CDH10: variants seen among roughly 807,000 people sequenced by gnomAD.
CDH10 encodes the protein cadherin 10.
Under a neutral mutation model 73.1 loss-of-function variants are expected in CDH10, and 30 were observed. The observed-to-expected ratio is 0.41, with a 90% CI of 0.31 to 0.56. The LOEUF is 0.56. Among genes scored for constraint, CDH10 ranks in the 20% least tolerant of loss-of-function variants. The pLI, the probability that CDH10 is intolerant of heterozygous loss-of-function variation, is 0.27. For synonymous variants in CDH10, 345 were observed against 348.2 expected (o/e 0.99, Z 0.10); for missense variants, 815 against 973.7 (o/e 0.84, Z 2.17).
At chr5:24,548,197 A>T (rs575120761) in intron 2 of CDH10, among the ~76,000 whole-genome samples, 1 of 150,838 alleles carries the variant, frequency 6.6e-6, no homozygotes, top group South Asian at 2.1e-4. Context: ...GCGTGATTTC[A>T]GCTCACTGCA....
intron 2 of CDH10, chr5:24,578,627 C>T (rs2112046513): frequency 6.2e-6 from 1 of 160,770 alleles, no homozygotes; most frequent in Non-Finnish European, 1.4e-5. Flanking sequence ...TTTACTAAAA[C>T]TAAGGCTAGA....
chr5:24,559,553 T>C (rs1477771388), intron 2 of CDH10, among the ~76,000 whole-genome samples: 1 of 151,934 alleles, frequency 6.6e-6, no homozygotes. Context: ...GAAGAGAAAA[T>C]TGAAAATGTT....
At chr5:24,622,258 A>T (rs989067435) in intron 1 of CDH10, among the ~76,000 whole-genome samples, 2 of 152,152 alleles carry the variant, frequency 1.3e-5, no homozygotes, top group African/African-American at 2.4e-5. Context: ...TGATGTGCGA[A>T]TGTTGACAAA....
intron 5 of CDH10, among the ~76,000 whole-genome samples, chr5:24,518,716 G>T (rs1308306527): frequency 1.3e-5 from 2 of 151,748 alleles, no homozygotes; most frequent in Non-Finnish European, 2.9e-5. Flanking sequence ...TTCTCTGCAT[G>T]TCTCAACATA....
intron 11 of CDH10, among the ~76,000 whole-genome samples, chr5:24,489,838 G>A (rs1382261860): frequency 1.3e-5 from 2 of 152,048 alleles, no homozygotes; most frequent in South Asian, 2.1e-4. Context: ...GAATATGTAA[G>A]ATAGTGAGGC....
At chr5:24,577,265 T>G (rs62349609) in intron 2 of CDH10, among the ~76,000 whole-genome samples, 18,469 of 152,120 alleles carry the variant, frequency 0.12, 1,152 homozygotes, top group Admixed American at 0.17. Context: ...GGCTGATTAT[T>G]TGTGACAAAA....
chr5:24,520,819 C>A (rs1303315738), intron 5 of CDH10, among the ~76,000 whole-genome samples: 1 of 152,080 alleles, frequency 6.6e-6, no homozygotes, highest in Non-Finnish European at 1.5e-5. Context: ...CACCACCTCC[C>A]AGGTTCAAGC....
intron 2 of CDH10, chr5:24,578,340 G>A (rs1341068864): frequency 4.7e-6 from 1 of 214,918 alleles, no homozygotes; most frequent in Non-Finnish European, 1.1e-5. Flanking sequence ...GTCTTCAGCA[G>A]TTGGTTTATT....
intron 2 of CDH10, among the ~76,000 whole-genome samples, chr5:24,561,418 A>G (rs1744956588): frequency 1.3e-5 from 2 of 152,160 alleles, no homozygotes; most frequent in Non-Finnish European, 2.9e-5. Flanking sequence ...GGCAAAAGAC[A>G]ATACTGTATC....
At chr5:24,577,156 T>C (rs915796299) in intron 2 of CDH10, among the ~76,000 whole-genome samples, 6 of 151,750 alleles carry the variant, frequency 4.0e-5, no homozygotes, top group African/African-American at 1.5e-4. Flanking sequence ...TGCACTGTAG[T>C]TTTCTGGTGG....
At chr5:24,515,489 T>G (rs1336999838) in intron 5 of CDH10, among the ~76,000 whole-genome samples, 1 of 152,214 alleles carries the variant, frequency 6.6e-6, no homozygotes, top group Non-Finnish European at 1.5e-5. Flanking sequence ...TGGAAATGTA[T>G]AATATTTAGT....
At chr5:24,626,792 A>ATATATG (rs991988107) in intron 1 of CDH10, among the ~76,000 whole-genome samples, 8 of 149,052 alleles carry the variant, frequency 5.4e-5, no homozygotes, top group African/African-American at 2.0e-4. Context: ...ATATATATAT[A>ATATATG]TGTGTGTGTG....
Position 24,538,078 on chromosome 5 carries a change from T to C in CDH10, c.232-404A>G, listed in dbSNP as rs576652865. 4.6e-5 allele frequency among the ~76,000 whole-genome samples: 7 copies of C among 152,194 alleles called. No individual in the cohort carries two copies. The East Asian group carries it at 1.4e-3, about 30-fold the overall frequency. ...TTAAATGGTGCAAAACAAAATCTGC[T>C]ATAAACTTGTTATTAGCTATCATAT... On this transcript the variant is annotated intron_variant, in intron 2 of 11. Coordinates refer to ENST00000264463, the MANE Select transcript of CDH10 (RefSeq NM_006727.5).
intron 7 of CDH10, among the ~76,000 whole-genome samples, chr5:24,508,909 C>T (rs886306384): frequency 4.6e-5 from 7 of 152,066 alleles, no homozygotes; most frequent in African/African-American, 7.2e-5. Context: ...TGCATGTAAA[C>T]GCAGAGTTGA....
chr5:24,568,338 T>C (rs1561168524), intron 2 of CDH10, among the ~76,000 whole-genome samples: 1 of 151,628 alleles, frequency 6.6e-6, no homozygotes, highest in African/African-American at 2.4e-5. Context: ...ATCAAAGAAA[T>C]GTAATAGACA....
At chr5:24,509,031 A>G (rs888513632) in intron 7 of CDH10, among the ~76,000 whole-genome samples, 8 of 152,088 alleles carry the variant, frequency 5.3e-5, no homozygotes, top group Non-Finnish European at 1.2e-4. Context: ...TAAGAAAACC[A>G]TGAAGCTTGT....
intron 2 of CDH10, among the ~76,000 whole-genome samples, chr5:24,555,877 G>GA (rs34279826): frequency 6.6e-6 from 1 of 151,892 alleles, no homozygotes; most frequent in African/African-American, 2.4e-5. Flanking sequence ...AACAGCACAT[G>GA]AAAAAAACAT....
intron 5 of CDH10, among the ~76,000 whole-genome samples, chr5:24,530,931 T>C (rs1230919418): frequency 6.6e-6 from 1 of 152,078 alleles, no homozygotes; most frequent in African/African-American, 2.4e-5. Context: ...TATGATTTTG[T>C]TAATGGCAAT....
At chr5:24,550,518 G>A (rs1744506091) in intron 2 of CDH10, among the ~76,000 whole-genome samples, 1 of 152,054 alleles carries the variant, frequency 6.6e-6, no homozygotes, top group Non-Finnish European at 1.5e-5. Flanking sequence ...TTTACTTTAA[G>A]ATATAAAATT....
Sources: gnomAD v4.1 joint callset for allele counts (sites outside exome capture counted in the v4.1 genomes callset) on GRCh38, gnomAD v4.1.1 for gene constraint, MANE v1.5 for transcripts, NCBI Gene and HGNC (gene_info 2026-07-23, HGNC 2026-07-21) for gene names.